Variants in FXR2 observed in about 807,000 individuals in gnomAD.
FXR2 encodes RNA-binding protein FXR2.
A neutral mutation model predicts 87.3 loss-of-function variants in FXR2; 9 were observed. That is an observed-to-expected ratio of 0.10 (90% CI 0.06 to 0.18). The LOEUF is 0.18. Among genes scored for constraint, FXR2 ranks in the 10% least tolerant of loss-of-function variants. The pLI is 1.00. For missense variants in FXR2, 661 were observed against 893.6 expected (o/e 0.74, Z 3.32); for synonymous variants, 331 against 328.3 (o/e 1.01, Z -0.09).
intron 3 of FXR2, among the ~76,000 whole-genome samples, 181 bp from the exon 4 acceptor site, chr17:7,604,261 C>T (rs866703871): frequency 1.3e-5 from 2 of 151,686 alleles, no homozygotes; most frequent in Non-Finnish European, 1.5e-5. Context: ...AACAATAGAA[C>T]AACCATTAAG....
In FXR2 at chr17:7,594,074, C is replaced by G. The variant is rs932370772; in HGVS notation, c.1021-70G>C. ...AATGGAAGGATTAACGCCGCCCAGT[C>G]TCCTAGGGGAGCCTGCCCAGTGGGA... On this transcript the variant is annotated intron_variant, in intron 10 of 16. Coordinates refer to ENST00000250113, the MANE Select transcript of FXR2 (RefSeq NM_004860.4). This position sits in a 1 kb window ranked among gnomAD's most constrained non-coding sequence, Gnocchi z 5.1. The G allele has an allele frequency of 2.7e-6, 3 of 1,096,672 alleles. No individual in the cohort carries two copies. The African/African-American group carries it at 4.6e-5, about 17-fold the overall frequency. 67.9% of individuals were successfully genotyped at this position (1,096,672 alleles called of 1,614,324 possible).
At chr17:7,599,518 TATA>T (rs1386266332) in intron 7 of FXR2, among the ~76,000 whole-genome samples, 1 of 152,076 alleles carries the variant, frequency 6.6e-6, no homozygotes, top group Non-Finnish European at 1.5e-5. Context: ...CTTAGAATAG[TATA>T]ATACCAACGA....
At chr17:7,610,258 G>C (rs1230201009) in intron 1 of FXR2, among the ~76,000 whole-genome samples, 1 of 152,024 alleles carries the variant, frequency 6.6e-6, no homozygotes. Context: ...CCAAGCCTTA[G>C]AAGTAGTTTA....
chr17:7,598,013 CGTAAAATTTATCCTACAT>C (rs2071722041), intron 7 of FXR2, among the ~76,000 whole-genome samples: 2 of 151,048 alleles, frequency 1.3e-5, no homozygotes, highest in Admixed American at 6.6e-5. Context: ...TGGTTTTACT[CGTAAAATTTATCCTACAT>C]AAAACTACTC....
At chr17:7,604,423 C>T (rs552275002) in intron 3 of FXR2, among the ~76,000 whole-genome samples, 3 of 152,026 alleles carry the variant, frequency 2.0e-5, no homozygotes, top group Admixed American at 6.6e-5. Flanking sequence ...AGGCCAAGCG[C>T]GGTGGCTTAT....
intron 1 of FXR2, among the ~76,000 whole-genome samples, 188 bp downstream of exon 1, chr17:7,614,264 G>A (rs777080412): frequency 6.6e-6 from 1 of 152,094 alleles, no homozygotes; most frequent in East Asian, 1.9e-4. Context: ...TGCCTTAGAG[G>A]GGTCAAAAAT....
rs1661662444 is a variant in FXR2 at position 7,592,975 on chromosome 17, G to C, written c.1528+9C>G. The C allele has an allele frequency of 6.4e-7, 1 of 1,564,672 alleles. No individual in the cohort carries two copies. Among genetic ancestry groups the C allele is most frequent in the Non-Finnish European group, 8.6e-7 (1 of 1,157,224 alleles). ...TTGGCCCATATTCATGAACCCAGCT[G>C]TCTGGTACCTGAGCTAATAGATGAA... is the stretch of plus-strand genomic sequence containing the variant. On this transcript the variant is annotated intron_variant, in intron 13 of 16. Transcript: ENST00000250113. This position sits in a 1 kb window ranked among gnomAD's most constrained non-coding sequence, Gnocchi z 4.8.
In FXR2 at chr17:7,593,596, T is replaced by C; in HGVS notation, c.1137A>G (p.Leu379=). 1 of 1,595,326 alleles carries C rather than the reference T, an allele frequency of 6.3e-7. No homozygotes were observed. The part of the protein sequence containing the change: ...QEVEQLRLER[L]QIDEQLRQIG... Reference sequence around the variant, plus strand: ...TCTGCCGAAGCTGCTCATCAATTTGTAGCCTCTCCAAGCGAAGCTGCTCTA... The same window carrying C: ...TCTGCCGAAGCTGCTCATCAATTTGCAGCCTCTCCAAGCGAAGCTGCTCTA... Residue 379 remains leucine, a synonymous_variant, in exon 12 of 17, where the codon CTA becomes CTG. Coordinates refer to ENST00000250113, the MANE Select transcript of FXR2 (RefSeq NM_004860.4). This position sits in a 1 kb window ranked among gnomAD's most constrained non-coding sequence, Gnocchi z 6.1.
chr17:7,604,130 T>C, intron 3 of FXR2, 50 bp from the exon 4 acceptor site: 6 of 1,386,212 alleles, frequency 4.3e-6, no homozygotes, highest in Middle Eastern at 1.9e-4. Context: ...CCCAAAAGCA[T>C]CAAGAAAGGG....
At position 7,593,778 on chromosome 17, in the gene FXR2, A is replaced by G. The variant is rs148402754; in HGVS notation, c.1107+140T>C. On this transcript the variant is annotated intron_variant, in intron 11 of 16. Transcript: ENST00000250113. The surrounding 1 kb of genome is among the most constrained non-coding windows in gnomAD (Gnocchi z 6.1). The stretch of plus-strand genomic sequence containing the variant: ...TAAACAAGGAAAATTCTGGGACCCA[A>G]CCCTATAGCCCCAAATTTCCACAGA... 885 of 809,154 alleles carry G rather than the reference A, an allele frequency of 1.1e-3. 20 individuals are homozygous for G. In the East Asian group the frequency reaches 0.02, roughly 18 times the overall value. 50.1% of individuals were successfully genotyped at this position (809,154 alleles called of 1,614,324 possible).
In FXR2 at chr17:7,596,001, G is replaced by A. The variant is rs199520167; in HGVS notation, c.661-7C>T. The A allele has an allele frequency of 2.5e-6, 4 of 1,610,828 alleles. No individual in the cohort carries two copies. Among genetic ancestry groups the A allele is most frequent in the Non-Finnish European group, 3.4e-6 (4 of 1,177,470 alleles). On this transcript the variant is annotated splice_polypyrimidine_tract_variant and splice_region_variant and intron_variant, in intron 7 of 16. Coordinates refer to ENST00000250113, the MANE Select transcript of FXR2 (RefSeq NM_004860.4). ...CTGCCAACTGCTTGCTTGTCTGAAAGGAAAAGTCACTGTAGGAATCATGGT... is the reference window on the plus strand; with the variant it reads ...CTGCCAACTGCTTGCTTGTCTGAAAAGAAAAGTCACTGTAGGAATCATGGT...
At chr17:7,614,187 G>C in intron 1 of FXR2, 1 of 664,530 alleles carries the variant, frequency 1.5e-6, no homozygotes, top group Non-Finnish European at 2.8e-6. Context: ...AGCGGGGAGC[G>C]CCAAGCCAGG....
intron 2 of FXR2, 169 bp from the exon 3 acceptor site, chr17:7,605,907 A>G: frequency 1.6e-6 from 1 of 644,702 alleles, no homozygotes; most frequent in Non-Finnish European, 2.7e-6. Context: ...TCTAGACTCT[A>G]AATACTGGGT....
chr17:7,592,675 A>T lies in FXR2; in HGVS notation c.1729+19T>A. The stretch of plus-strand genomic sequence containing the variant: ...TTCCTACCCATCTCTAACTTTCCAG[A>T]CCCCAGGCACACCCTCACCCAGGCC... On this transcript the variant is annotated intron_variant, in intron 14 of 16. Transcript: ENST00000250113. The surrounding 1 kb of genome is among the most constrained non-coding windows in gnomAD (Gnocchi z 4.8). The T allele has an allele frequency of 1.9e-6, 3 of 1,612,476 alleles. No homozygotes were observed. Among genetic ancestry groups the T allele is most frequent in the Non-Finnish European group, 2.5e-6 (3 of 1,179,268 alleles).
rs2071693177 is a variant in FXR2, at chr17:7,594,636, C to A, written c.910+43G>T. 8.3e-7 allele frequency: 1 copy of A among 1,207,952 alleles called. No individual in the cohort carries two copies. The highest frequency in any genetic ancestry group is 1.5e-5 in the African/African-American group (1 of 67,120). The allele number at this position is 1,207,952 out of a possible 1,614,324, so 74.8% of individuals were successfully genotyped here. ...AAAGCTCAGAATCACTGTAGAGAAT[C>A]TTGATTCTGACCTCTAACTGTATAT... On this transcript the variant is annotated intron_variant, in intron 9 of 16. Transcript: ENST00000250113. This position sits in a 1 kb window ranked among gnomAD's most constrained non-coding sequence, Gnocchi z 5.1.
intron 7 of FXR2, among the ~76,000 whole-genome samples, chr17:7,598,807 G>A (rs941876543): frequency 1.3e-5 from 2 of 152,012 alleles, no homozygotes; most frequent in Admixed American, 1.3e-4. Flanking sequence ...CCAGGGGTTC[G>A]CGACCAGCCT....
In FXR2 at chr17:7,593,711, T is replaced by C. The variant is rs1321685086; in HGVS notation, c.1108-86A>G. ...CTTCTGCACCCTGACTGTCCCTCTA[T>C]ATCTAACCTCTCAGGAATGCAGGGA... On this transcript the variant is annotated intron_variant, in intron 11 of 16. Coordinates refer to ENST00000250113, the MANE Select transcript of FXR2 (RefSeq NM_004860.4). This position sits in a 1 kb window ranked among gnomAD's most constrained non-coding sequence, Gnocchi z 6.1. 20 of 964,902 alleles carry C rather than the reference T, an allele frequency of 2.1e-5. No individual in the cohort carries two copies. The highest frequency in any genetic ancestry group is 3.2e-5 in the Non-Finnish European group (20 of 625,956). 59.8% of individuals were successfully genotyped at this position (964,902 alleles called of 1,614,324 possible). A position where few individuals can be genotyped will look rare whatever the true frequency, so the allele number is the denominator to read the frequency against.
At chr17:7,605,905 C>T (rs2071799536) in intron 2 of FXR2, 167 bp from the exon 3 acceptor site, 2 of 645,140 alleles carry the variant, frequency 3.1e-6, no homozygotes, top group South Asian at 1.9e-5. Flanking sequence ...TTTCTAGACT[C>T]TAAATACTGG....
chr17:7,604,507 C>T (rs1214195433), intron 3 of FXR2, among the ~76,000 whole-genome samples: 1 of 151,784 alleles, frequency 6.6e-6, no homozygotes, highest in South Asian at 2.1e-4. Context: ...GCCTGGCCAA[C>T]ATGGTAAAAC....
Sources: gnomAD v4.1 joint callset for allele counts (sites outside exome capture counted in the v4.1 genomes callset) on GRCh38, gnomAD v4.1.1 for gene constraint, Gnocchi (gnomAD v3.1) non-coding constraint, MANE v1.5 for transcripts, NCBI Gene and HGNC (gene_info 2026-07-23, HGNC 2026-07-21) for gene names.